Variants in KCNB2 observed in about 807,000 individuals in gnomAD.
KCNB2 encodes potassium voltage-gated channel subfamily B member 2, also known as delayed rectifier potassium channel protein.
In KCNB2, 15 loss-of-function variants were observed where a neutral mutation model predicts 61.5. The ratio of observed to expected loss-of-function variants is 0.24; its 90% CI spans 0.16 to 0.38. KCNB2 has a LOEUF of 0.38. Among genes scored for constraint, KCNB2 ranks in the 10% least tolerant of loss-of-function variants. KCNB2 has a pLI of 1.00. For synonymous variants in KCNB2, 457 were observed against 446.0 expected (o/e 1.02, Z -0.31); for missense variants, 828 against 1,125.2 (o/e 0.74, Z 3.78).
chr8:72,833,950 A>C (rs2129002045), intron 2 of KCNB2, among the ~76,000 whole-genome samples: 1 of 152,318 alleles, frequency 6.6e-6, no homozygotes, highest in African/African-American at 2.4e-5. Flanking sequence ...TTACATCAGC[A>C]AATGTGATTT....
chr8:72,640,745 T>C (rs1585801304), intron 2 of KCNB2, among the ~76,000 whole-genome samples: 1 of 152,114 alleles, frequency 6.6e-6, no homozygotes, highest in Non-Finnish European at 1.5e-5. Context: ...TGTTACATCG[T>C]GGTTGGTTTT....
At chr8:72,745,164 A>T (rs1206263034) in intron 2 of KCNB2, among the ~76,000 whole-genome samples, 1 of 152,246 alleles carries the variant, frequency 6.6e-6, no homozygotes, top group East Asian at 1.9e-4. Flanking sequence ...TTGGGAAAGA[A>T]ACCTAACAAG....
At chr8:72,556,358 A>G (rs946413214) in intron 1 of KCNB2, among the ~76,000 whole-genome samples, 1 of 152,152 alleles carries the variant, frequency 6.6e-6, no homozygotes, top group Non-Finnish European at 1.5e-5. Flanking sequence ...GTTTTACACA[A>G]CAGAGACACA....
chr8:72,597,543 AC>A (rs1807219228), intron 2 of KCNB2, among the ~76,000 whole-genome samples: 1 of 152,246 alleles, frequency 6.6e-6, no homozygotes, highest in Admixed American at 6.5e-5. Flanking sequence ...CATTCACCAT[AC>A]CATTATAGAA....
intron 2 of KCNB2, among the ~76,000 whole-genome samples, chr8:72,822,908 C>T (rs1217058769): frequency 6.6e-6 from 1 of 152,120 alleles, no homozygotes; most frequent in Non-Finnish European, 1.5e-5. Context: ...ACAGGTGTCA[C>T]TGTGGGATCA....
chr8:72,680,228 A>G (rs1028090136), intron 2 of KCNB2, among the ~76,000 whole-genome samples: 2 of 152,176 alleles, frequency 1.3e-5, no homozygotes, highest in Admixed American at 1.3e-4. Flanking sequence ...AAGAGCTTAC[A>G]AGGAAGGCAT....
chr8:72,544,328 C>CA (rs1353690652), intron 1 of KCNB2, among the ~76,000 whole-genome samples: 3 of 152,140 alleles, frequency 2.0e-5, no homozygotes, highest in Admixed American at 6.5e-5. Flanking sequence ...TGCCATCCTA[C>CA]ATCATTTGGA....
intron 2 of KCNB2, among the ~76,000 whole-genome samples, chr8:72,916,699 G>A (rs565938149): frequency 2.6e-5 from 4 of 152,356 alleles, no homozygotes; most frequent in East Asian, 3.9e-4. Context: ...GATGGTAAAT[G>A]TGGGAGATTT....
At chr8:72,773,028 T>A (rs1205916490) in intron 2 of KCNB2, among the ~76,000 whole-genome samples, 1 of 152,154 alleles carries the variant, frequency 6.6e-6, no homozygotes, top group African/African-American at 2.4e-5. Flanking sequence ...CAGCTCACCC[T>A]GCCCAGTAGG....
At chr8:72,885,285 T>C (rs1419622908) in intron 2 of KCNB2, among the ~76,000 whole-genome samples, 1 of 152,150 alleles carries the variant, frequency 6.6e-6, no homozygotes, top group Non-Finnish European at 1.5e-5. Flanking sequence ...GTAACTTTAT[T>C]GTACTTTCTT....
intron 2 of KCNB2, among the ~76,000 whole-genome samples, chr8:72,769,749 T>C (rs1418947705): frequency 6.6e-6 from 1 of 152,126 alleles, no homozygotes; most frequent in Non-Finnish European, 1.5e-5. Context: ...TGAAGGACCA[T>C]AGGGAAGGAG....
intron 2 of KCNB2, among the ~76,000 whole-genome samples, chr8:72,748,631 T>G (rs2249930): frequency 0.33 from 48,075 of 144,618 alleles, 8,405 homozygotes; most frequent in African/African-American, 0.39. Context: ...TTTTTGAAAT[T>G]AAAAGCCAAA....
chr8:72,543,501 C>T (rs1806219015), intron 1 of KCNB2, among the ~76,000 whole-genome samples: 1 of 152,278 alleles, frequency 6.6e-6, no homozygotes, highest in Non-Finnish European at 1.5e-5. Flanking sequence ...GCAGCAATTG[C>T]AAACAGATGT....
chr8:72,834,546 A>C (rs1809749499), intron 2 of KCNB2, among the ~76,000 whole-genome samples: 1 of 152,150 alleles, frequency 6.6e-6, no homozygotes, highest in African/African-American at 2.4e-5. Flanking sequence ...AGTGGAACCA[A>C]ACCAAAATTC....
chr8:72,587,067 G>A (rs1807011966), intron 2 of KCNB2, among the ~76,000 whole-genome samples: 2 of 152,104 alleles, frequency 1.3e-5, no homozygotes, highest in South Asian at 2.1e-4. Flanking sequence ...TATTACTGTC[G>A]AGAAAGAAAC....
chr8:72,887,288 C>T (rs1805822041), intron 2 of KCNB2, among the ~76,000 whole-genome samples: 1 of 152,090 alleles, frequency 6.6e-6, no homozygotes, highest in African/African-American at 2.4e-5. Flanking sequence ...GTCATGAGGG[C>T]AATGGATCTT....
chr8:72,640,403 G>C (rs1806035796), intron 2 of KCNB2, among the ~76,000 whole-genome samples: 1 of 151,644 alleles, frequency 6.6e-6, no homozygotes. Flanking sequence ...TCTTTATTAT[G>C]GTCATCAGTG....
At chr8:72,622,862 AG>A (rs1805733788) in intron 2 of KCNB2, among the ~76,000 whole-genome samples, 1 of 152,176 alleles carries the variant, frequency 6.6e-6, no homozygotes, top group Non-Finnish European at 1.5e-5. Flanking sequence ...CCCGTAGTAA[AG>A]CTCTGAGAGC....
At chr8:72,844,522 C>A (rs1037378532) in intron 2 of KCNB2, among the ~76,000 whole-genome samples, 2 of 152,192 alleles carry the variant, frequency 1.3e-5, no homozygotes, top group Admixed American at 1.3e-4. Flanking sequence ...GAATAATATC[C>A]TGAAGAGTGT....
Sources: allele counts gnomAD v4.1 joint callset (sites outside exome capture counted in the v4.1 genomes callset), GRCh38; gene constraint gnomAD v4.1.1; transcripts MANE v1.5; gene names NCBI Gene and HGNC (gene_info 2026-07-23, HGNC 2026-07-21).